HERC2: variants seen among roughly 807,000 people sequenced by gnomAD.
The protein encoded by HERC2 is E3 ubiquitin-protein ligase HERC2.
In HERC2, 102 loss-of-function variants were observed where a neutral mutation model predicts 537.7. That is an observed-to-expected ratio of 0.19 (90% CI 0.16 to 0.22). The LOEUF (loss-of-function observed/expected upper bound fraction) is 0.22, where lower values mean the gene tolerates loss of function less well. Among genes scored for constraint, HERC2 ranks in the 10% least tolerant of loss-of-function variants. The pLI, the probability that HERC2 is intolerant of heterozygous loss-of-function variation, is 1.00. For missense variants in HERC2, 4,236 were observed against 6,198.2 expected (o/e 0.68, Z 10.63); for synonymous variants, 2,224 against 2,466.2 (o/e 0.90, Z 2.91).
At chr15:28,266,495 A>G (rs2075571818) in intron 12 of HERC2, among the ~76,000 whole-genome samples, 1 of 152,106 alleles carries the variant, frequency 6.6e-6, no homozygotes, top group South Asian at 2.1e-4. Flanking sequence ...ACCTTGGGTA[A>G]CAAGAACAAA....
Position 28,265,677 on chromosome 15 carries a change from T to C in HERC2, c.1811A>G (p.Lys604Arg), listed in dbSNP as rs1367864905. 1 of 1,614,044 alleles carries C rather than the reference T, an allele frequency of 6.2e-7. No homozygotes were observed. Among genetic ancestry groups the C allele is most frequent in the Non-Finnish European group, 8.5e-7 (1 of 1,180,046 alleles). The change falls in exon 14 of 93, where the codon AAG (lysine) becomes AGG (arginine). Residue 604 changes from lysine to arginine, a missense_variant. Physicochemically the swap from Lys to Arg is conservative, Grantham distance 26 (BLOSUM62 2). Transcript: ENST00000261609. This position sits in a 1 kb window ranked among gnomAD's most constrained non-coding sequence, Gnocchi z 4.0. ...PMLVAGLKGL[K>R]VIDVACGSGD... ...ACTCCCACACGCCACATCGATGACC[T>C]TCAGTCCTTTAAGCCCGGCTACCAG...
chr15:28,170,404 C>T (rs1254715697), intron 65 of HERC2, among the ~76,000 whole-genome samples: 2 of 152,200 alleles, frequency 1.3e-5, no homozygotes. Context: ...CGTGCAAAAG[C>T]AACTCGGAGG....
intron 37 of HERC2, among the ~76,000 whole-genome samples, chr15:28,219,290 T>C (rs1479809029): frequency 6.6e-6 from 1 of 152,196 alleles, no homozygotes; most frequent in African/African-American, 2.4e-5. Flanking sequence ...GATGAGGAGA[T>C]GTGTGGCAAA....
intron 76 of HERC2, 52 bp from the exon 77 acceptor site, chr15:28,141,898 T>C (rs373419625): frequency 2.9e-5 from 38 of 1,307,140 alleles, no homozygotes; most frequent in South Asian, 3.6e-5. Context: ...TCAAACAAAA[T>C]AGATAAATAC....
chr15:28,291,022 C>A (rs2076294858), intron 4 of HERC2, among the ~76,000 whole-genome samples: 1 of 152,176 alleles, frequency 6.6e-6, no homozygotes, highest in African/African-American at 2.4e-5. Flanking sequence ...ACAACTGGTT[C>A]TTTGAAAAAA....
chr15:28,147,779 C>T (rs1020674924), intron 70 of HERC2, among the ~76,000 whole-genome samples: 7 of 152,134 alleles, frequency 4.6e-5, no homozygotes, highest in East Asian at 1.9e-4. Flanking sequence ...ACACCTGTAA[C>T]GATCTCAACA....
rs943728339 is a variant in HERC2, at chr15:28,225,563, T to C, written c.5464+2655A>G. ...ATACAAAAAAATTAGCTGGGCGTGG[T>C]GGCGCGTGCCTGTAGTCCCAGCTAC... is the stretch of plus-strand genomic sequence containing the variant. On this transcript the variant is annotated intron_variant, in intron 35 of 92. Transcript: ENST00000261609. Among the ~76,000 whole-genome samples the C allele has an allele frequency of 5.8e-4, 88 of 151,552 alleles. 2 individuals are homozygous for C. The highest frequency in any genetic ancestry group is 2.1e-3 in the African/African-American group (85 of 41,402).
intron 4 of HERC2, 122 bp downstream of exon 4, chr15:28,292,766 T>C (rs1028858573): frequency 2.9e-6 from 3 of 1,028,096 alleles, no homozygotes; most frequent in African/African-American, 3.3e-5. Flanking sequence ...TACCACAATA[T>C]TTAAATTTTT....
At position 28,269,238 on chromosome 15, in the gene HERC2, G is replaced by A; in HGVS notation, c.1446+10C>T. On this transcript the variant is annotated intron_variant, in intron 11 of 92. Transcript: ENST00000261609. ...GGGAACACTGCAGGCACAGTGCCCA[G>A]AACACTCACCAGCGTGTCACTATTA... The A allele has an allele frequency of 1.2e-6, 2 of 1,610,822 alleles. No homozygotes were observed. Among genetic ancestry groups the A allele is most frequent in the South Asian group, 1.1e-5 (1 of 90,462 alleles).
rs1485430590 is a variant in HERC2, at chr15:28,174,154, G to T, written c.10057+241C>A. Among the ~76,000 whole-genome samples, 455 of 151,468 alleles carry T rather than the reference G, an allele frequency of 3.0e-3. 5 individuals are homozygous for T. Among genetic ancestry groups the T allele is most frequent in the South Asian group, 0.025 (119 of 4,766 alleles). On this transcript the variant is annotated intron_variant, in intron 65 of 92. Transcript: ENST00000261609. ...ATTAGGAGTCCTGTTCACACAGAAG[G>T]ACAGCGCTGTGAGTTTACCTGATCA...
intron 74 of HERC2, 33 bp from the exon 75 acceptor site, chr15:28,142,985 G>A (rs1891376148): frequency 6.2e-7 from 1 of 1,603,008 alleles, no homozygotes; most frequent in Non-Finnish European, 8.5e-7. Flanking sequence ...TCTATCGCAG[G>A]AATCCAGGTG....
chr15:28,171,071 T>C (rs552708775), intron 65 of HERC2, among the ~76,000 whole-genome samples: 2 of 152,336 alleles, frequency 1.3e-5, no homozygotes, highest in South Asian at 4.1e-4. Context: ...TGGCAGTTTC[T>C]TATCAAACTA....
Position 28,248,628 on chromosome 15 carries a change from C to T in HERC2, c.3159G>A (p.Leu1053=). 1 of 1,613,976 alleles carries T rather than the reference C, an allele frequency of 6.2e-7. No individual in the cohort carries two copies. Reference sequence around the variant, plus strand: ...TAAGCAAACGTTGAAAACGCAGTAACAAATCCAATGAAGCAGATCTTTCAC... The same window carrying T: ...TAAGCAAACGTTGAAAACGCAGTAATAAATCCAATGAAGCAGATCTTTCAC... ...HSRERSASLD[L]LLRFQRLLIS... Residue 1053 remains leucine (L), a synonymous_variant, in exon 21 of 93, where the codon TTG becomes TTA. Transcript: ENST00000261609.
chr15:28,220,739 C>T, intron 36 of HERC2, 95 bp from the exon 37 acceptor site: 1 of 997,586 alleles, frequency 1.0e-6, no homozygotes, highest in Non-Finnish European at 1.5e-6. Flanking sequence ...AGGGTGCATG[C>T]CCTGCCCTGG....
intron 69 of HERC2, among the ~76,000 whole-genome samples, chr15:28,161,783 C>T (rs982259986): frequency 1.3e-5 from 2 of 152,146 alleles, no homozygotes; most frequent in Admixed American, 1.3e-4. Context: ...CATTTTAAAG[C>T]TGTAATAGTT....
chr15:28,163,170 A>G lies in HERC2; in HGVS notation c.10670T>C (p.Val3557Ala). 1.2e-6 allele frequency: 2 copies of G among 1,613,680 alleles called. No individual in the cohort carries two copies. Among genetic ancestry groups the G allele is most frequent in the Non-Finnish European group, 1.7e-6 (2 of 1,180,020 alleles). The change falls in exon 69 of 93, where the codon GTG (valine) becomes GCG (alanine). Residue 3557 changes from valine (V) to alanine (A), a missense_variant. Around this residue, in one of 27 missense-constraint regions of HERC2, gnomAD observed 356 missense variants for 450.9 expected, o/e 0.79. Transcript: ENST00000261609. ...GCCCCTGTCCCCGGCCCGGCTGCAC[A>G]CTGACAGCTTGAGCAGGTCTACCAC... is the stretch of plus-strand genomic sequence containing the variant. ...RVVVDLLKLS[V>A]CSRAGDRGRD...
intron 4 of HERC2, among the ~76,000 whole-genome samples, chr15:28,290,712 C>T (rs574884765): frequency 4.5e-4 from 69 of 152,042 alleles, no homozygotes; most frequent in Non-Finnish European, 8.4e-4. Flanking sequence ...AAATAATAAG[C>T]GGGTAAAAGA....
At position 28,121,423 on chromosome 15, in the gene HERC2, C is replaced by A; in HGVS notation, c.13195G>T (p.Ala4399Ser). The A allele has an allele frequency of 6.2e-7, 1 of 1,613,960 alleles. No individual in the cohort carries two copies. The highest frequency in any genetic ancestry group is 8.5e-7 in the Non-Finnish European group (1 of 1,179,840). ...GILISQGKEAAFRKVVQATMV... is the reference protein window; with the variant it reads ...GILISQGKEASFRKVVQATMV... Reference sequence around the variant, plus strand: ...GTTGCTTGTACTACTTTCCGGAAAGCCGCCTCCTAAAACACATCAAACAGA... The same window carrying A: ...GTTGCTTGTACTACTTTCCGGAAAGACGCCTCCTAAAACACATCAAACAGA... The change falls in exon 86 of 93, where the codon GCT becomes TCT. Residue 4399 changes from alanine to serine, a missense_variant. Around this residue, in one of 27 missense-constraint regions of HERC2, gnomAD observed 189 missense variants for 255.7 expected, o/e 0.74. Transcript: ENST00000261609.
At position 28,265,097 on chromosome 15, in the gene HERC2, G is replaced by A. The variant is rs1178061688; in HGVS notation, c.1870+521C>T. 6.6e-6 allele frequency among the ~76,000 whole-genome samples: 1 copy of A among 152,080 alleles called. No individual in the cohort carries two copies. Among genetic ancestry groups the A allele is most frequent in the Admixed American group, 6.5e-5 (1 of 15,270 alleles). On this transcript the variant is annotated intron_variant, in intron 14 of 92. Coordinates refer to ENST00000261609, the MANE Select transcript of HERC2 (RefSeq NM_004667.6). This position sits in a 1 kb window ranked among gnomAD's most constrained non-coding sequence, Gnocchi z 4.0. ...ACGCCAGAGACACACAAGATGCCAA[G>A]GACAGACCACCACAATACTGAAAGA... is the stretch of plus-strand genomic sequence containing the variant.
Sources: allele counts gnomAD v4.1 joint callset (sites outside exome capture counted in the v4.1 genomes callset), GRCh38; gene constraint gnomAD v4.1.1; regional missense constraint gnomAD v4.1.1; non-coding constraint Gnocchi (gnomAD v3.1); transcripts MANE v1.5; gene names NCBI Gene and HGNC (gene_info 2026-07-23, HGNC 2026-07-21).